Variants in SPAG16 observed in about 807,000 individuals in gnomAD.
SPAG16 encodes sperm-associated antigen 16 protein.
A neutral mutation model predicts 80.4 loss-of-function variants in SPAG16; 86 were observed. The observed-to-expected ratio is 1.07, with a 90% CI of 0.90 to 1.28. SPAG16 has a LOEUF of 1.28. SPAG16 is among the 50% of genes most tolerant of loss of function. SPAG16 has a pLI of 0.00. For synonymous variants in SPAG16, 294 were observed against 265.9 expected (o/e 1.11, Z -1.03); for missense variants, 870 against 765.3 (o/e 1.14, Z -1.61).
intron 11 of SPAG16, 135 bp from the exon 12 acceptor site, chr2:213,929,825 G>A: frequency 2.9e-6 from 2 of 682,220 alleles, no homozygotes; most frequent in East Asian, 5.8e-5. Context: ...ATAATATTTA[G>A]TCATTTAGAT....
intron 10 of SPAG16, among the ~76,000 whole-genome samples, chr2:213,504,753 A>G (rs2074892608): frequency 1.3e-5 from 2 of 152,218 alleles, no homozygotes; most frequent in East Asian, 1.9e-4. Flanking sequence ...GAAAATGGGG[A>G]AAAAAGGGGA....
intron 10 of SPAG16, among the ~76,000 whole-genome samples, chr2:213,525,112 T>C (rs1474686507): frequency 1.3e-5 from 2 of 152,026 alleles, no homozygotes; most frequent in African/African-American, 4.8e-5. Context: ...AGTGTGTTCT[T>C]ACAACATCTG....
intron 15 of SPAG16, among the ~76,000 whole-genome samples, chr2:214,362,631 C>G (rs1699253245): frequency 6.6e-6 from 1 of 151,720 alleles, no homozygotes; most frequent in Non-Finnish European, 1.5e-5. Flanking sequence ...CATTACATAA[C>G]AAATATATGT....
chr2:214,223,976 T>C (rs1449809452), intron 15 of SPAG16, among the ~76,000 whole-genome samples: 1 of 152,098 alleles, frequency 6.6e-6, no homozygotes, highest in Non-Finnish European at 1.5e-5. Context: ...ATGGGTAAAG[T>C]GAATCAATAA....
intron 10 of SPAG16, among the ~76,000 whole-genome samples, chr2:213,704,779 A>G (rs929863460): frequency 1.3e-5 from 2 of 152,184 alleles, no homozygotes; most frequent in African/African-American, 2.4e-5. Context: ...TTGAAGAGTT[A>G]TTGGAGAGTA....
At chr2:213,491,376 G>A (rs1363038845) in intron 10 of SPAG16, among the ~76,000 whole-genome samples, 1 of 152,132 alleles carries the variant, frequency 6.6e-6, no homozygotes, top group African/African-American at 2.4e-5. Context: ...AAGAACTTCA[G>A]ACAACTTCAG....
At chr2:213,852,381 C>G (rs534254764) in intron 10 of SPAG16, among the ~76,000 whole-genome samples, 1 of 152,082 alleles carries the variant, frequency 6.6e-6, no homozygotes, top group Non-Finnish European at 1.5e-5. Flanking sequence ...TACTTAAAAC[C>G]GTGAAATGAT....
chr2:214,055,757 A>C (rs1182139348), intron 13 of SPAG16, among the ~76,000 whole-genome samples: 2 of 152,216 alleles, frequency 1.3e-5, no homozygotes, highest in Admixed American at 1.3e-4. Context: ...GCTTACAAAC[A>C]AACCAACTTA....
chr2:213,427,871 G>A (rs749959395), intron 9 of SPAG16, among the ~76,000 whole-genome samples: 9 of 152,276 alleles, frequency 5.9e-5, no homozygotes, highest in Non-Finnish European at 1.0e-4. Flanking sequence ...AAAATATTCA[G>A]TGTAGATTTA....
At chr2:214,258,479 A>ATT (rs1690876081) in intron 15 of SPAG16, among the ~76,000 whole-genome samples, 1 of 145,834 alleles carries the variant, frequency 6.9e-6, no homozygotes, top group Non-Finnish European at 1.5e-5. Context: ...GTGTATATAT[A>ATT]TATATATATA....
intron 15 of SPAG16, among the ~76,000 whole-genome samples, chr2:214,221,762 A>G (rs2125776952): frequency 6.6e-6 from 1 of 152,284 alleles, no homozygotes; most frequent in Non-Finnish European, 1.5e-5. Flanking sequence ...AAAATATTTC[A>G]TGTTATTTTT....
intron 10 of SPAG16, among the ~76,000 whole-genome samples, chr2:213,691,082 T>C (rs1190563771): frequency 1.3e-5 from 2 of 152,210 alleles, no homozygotes; most frequent in Non-Finnish European, 2.9e-5. Context: ...CACCTCTTAA[T>C]ACTATCACAC....
intron 10 of SPAG16, among the ~76,000 whole-genome samples, chr2:213,515,902 C>A (rs2125830638): frequency 6.6e-6 from 1 of 152,230 alleles, no homozygotes; most frequent in South Asian, 2.1e-4. Context: ...TTTCAGCCCT[C>A]CGGTGTGAAG....
At chr2:213,957,607 G>A (rs898448869) in intron 12 of SPAG16, among the ~76,000 whole-genome samples, 1 of 152,056 alleles carries the variant, frequency 6.6e-6, no homozygotes, top group Non-Finnish European at 1.5e-5. Flanking sequence ...AATTACTGAT[G>A]AAGAAGCACT....
intron 12 of SPAG16, among the ~76,000 whole-genome samples, chr2:213,933,681 A>G (rs925356): frequency 0.28 from 42,390 of 152,112 alleles, 6,129 homozygotes; most frequent in East Asian, 0.43. Flanking sequence ...GGACTTGCAA[A>G]ATTCAACAGC....
At chr2:214,104,835 C>T (rs1398220668) in intron 13 of SPAG16, among the ~76,000 whole-genome samples, 1 of 152,002 alleles carries the variant, frequency 6.6e-6, no homozygotes, top group African/African-American at 2.4e-5. Flanking sequence ...ATTAAGGGAG[C>T]TAGCACAGCA....
At chr2:214,358,594 T>C (rs563772080) in intron 15 of SPAG16, among the ~76,000 whole-genome samples, 1 of 151,712 alleles carries the variant, frequency 6.6e-6, no homozygotes, top group African/African-American at 2.4e-5. Flanking sequence ...CTAATCACTC[T>C]TCTTTCTGCT....
At chr2:213,505,641 G>T (rs2074937133) in intron 10 of SPAG16, among the ~76,000 whole-genome samples, 1 of 151,892 alleles carries the variant, frequency 6.6e-6, no homozygotes, top group Non-Finnish European at 1.5e-5. Context: ...TGTTTAATTG[G>T]GTGTTTTTCT....
chr2:214,102,302 A>C (rs1346801513), intron 13 of SPAG16, among the ~76,000 whole-genome samples: 2 of 152,032 alleles, frequency 1.3e-5, no homozygotes, highest in African/African-American at 4.8e-5. Context: ...AAGGAGAAAA[A>C]TTCATGAAGT....
Sources: gnomAD v4.1 joint callset for allele counts (sites outside exome capture counted in the v4.1 genomes callset) on GRCh38, gnomAD v4.1.1 for gene constraint, MANE v1.5 for transcripts, NCBI Gene and HGNC (gene_info 2026-07-23, HGNC 2026-07-21) for gene names.